The following SPAG1 variants were observed in gnomAD, a reference collection of about 807,000 sequenced individuals.
The protein encoded by SPAG1 is sperm associated antigen 1, also known as sperm-associated antigen 1.
A neutral mutation model predicts 100.5 loss-of-function variants in SPAG1; 69 were observed. That is an observed-to-expected ratio of 0.69 (90% CI 0.57 to 0.84). The LOEUF (loss-of-function observed/expected upper bound fraction) is 0.84. Among genes scored for constraint, SPAG1 ranks in the 40% least tolerant of loss-of-function variants. SPAG1 has a pLI of 0.00. For missense variants in SPAG1, 955 were observed against 1,133.1 expected (o/e 0.84, Z 2.26); for synonymous variants, 336 against 411.6 (o/e 0.82, Z 2.22).
At chr8:100,190,748 T>G (rs1816781423) in intron 8 of SPAG1, among the ~76,000 whole-genome samples, 1 of 136,650 alleles carries the variant, frequency 7.3e-6, no homozygotes, top group Non-Finnish European at 1.5e-5. Flanking sequence ...CACTGGAACC[T>G]CCACCTCCCA....
chr8:100,216,416 A>G (rs748173061), intron 12 of SPAG1, among the ~76,000 whole-genome samples: 1 of 152,192 alleles, frequency 6.6e-6, no homozygotes, highest in Non-Finnish European at 1.5e-5. Context: ...GGTGATTAAC[A>G]TTTACTGGCT....
chr8:100,221,022 G>A (rs1818251602), intron 13 of SPAG1, among the ~76,000 whole-genome samples: 1 of 151,676 alleles, frequency 6.6e-6, no homozygotes, highest in Non-Finnish European at 1.5e-5. Flanking sequence ...GCGGTGAGCT[G>A]AGATCATACC....
At position 100,225,247 on chromosome 8, in the gene SPAG1, C is replaced by T. The variant is rs758138270; in HGVS notation, c.1763C>T (p.Ala588Val). Reference sequence around the variant, plus strand: ...CTGTCACCTATTCCTGCTGTGCCTGCTTCTGTGCCACTGCAAGCTTGGCAT... The same window carrying T: ...CTGTCACCTATTCCTGCTGTGCCTGTTTCTGTGCCACTGCAAGCTTGGCAT... ...EKLSPIPAVPASVPLQAWHPA... is the reference protein window; with the variant it reads ...EKLSPIPAVPVSVPLQAWHPA... The change falls in exon 14 of 19, where the codon GCT (alanine) becomes GTT (valine). Residue 588 changes from alanine (A) to valine (V), a missense_variant. Transcript: ENST00000388798. 1 of 1,613,938 alleles carries T rather than the reference C, an allele frequency of 6.2e-7. No homozygotes were observed. The highest frequency in any genetic ancestry group is 1.1e-5 in the South Asian group (1 of 91,076).
At chr8:100,172,634 ATG>A (rs60155004) in intron 3 of SPAG1, among the ~76,000 whole-genome samples, 6,682 of 145,354 alleles carry the variant, frequency 0.046, 280 homozygotes, top group African/African-American at 0.11. Context: ...AAAGAAATAT[ATG>A]TGTGTGTGTG....
chr8:100,204,129 G>C (rs1043245573), intron 10 of SPAG1, among the ~76,000 whole-genome samples: 3 of 152,140 alleles, frequency 2.0e-5, no homozygotes, highest in Non-Finnish European at 2.9e-5. Context: ...TGTCTGAGGA[G>C]ATAAATCCTG....
chr8:100,220,310 CCT>C lies in SPAG1; in HGVS notation c.1570_1571del (p.Leu524SerfsTer8). 1.2e-6 allele frequency: 2 copies of C among 1,613,268 alleles called. No individual in the cohort carries two copies. The highest frequency in any genetic ancestry group is 8.5e-7 in the Non-Finnish European group (1 of 1,179,800). On this transcript the variant is annotated frameshift_variant, in exon 13 of 19. Coordinates refer to ENST00000388798, the MANE Select transcript of SPAG1 (RefSeq NM_003114.5). LOFTEE classifies it high-confidence loss of function. ...GGAACTTCATCCATTCTCTATGAAACCTCTTCTGAGGCGGGCGATGGCCTATG... is the reference window on the plus strand; with the variant it reads ...GGAACTTCATCCATTCTCTATGAAACCTTCTGAGGCGGGCGATGGCCTATG... ...ALELHPFSMK[P>X]LLRRAMAYET...
chr8:100,183,023 G>C (rs1276883802), intron 4 of SPAG1, among the ~76,000 whole-genome samples: 2 of 151,480 alleles, frequency 1.3e-5, no homozygotes, highest in African/African-American at 4.9e-5. Context: ...ACCCAGGCTG[G>C]AGTGTAGTTG....
At chr8:100,196,399 C>G (rs1045286323) in intron 10 of SPAG1, among the ~76,000 whole-genome samples, 3 of 152,106 alleles carry the variant, frequency 2.0e-5, no homozygotes, top group Non-Finnish European at 4.4e-5. Flanking sequence ...TGATTTTTTT[C>G]CCCTTTTTAC....
chr8:100,190,301 A>T (rs1429629374), intron 8 of SPAG1, among the ~76,000 whole-genome samples: 1 of 150,466 alleles, frequency 6.6e-6, no homozygotes, highest in African/African-American at 2.5e-5. Flanking sequence ...CAACAGAGCA[A>T]GACTCTGTCT....
Position 100,203,508 on chromosome 8 carries a change from C to CT in SPAG1, c.1096+9242dup, listed in dbSNP as rs551249086. Among the ~76,000 whole-genome samples, 636 of 152,262 alleles carry CT rather than the reference C, an allele frequency of 4.2e-3. 6 individuals carry two copies. The highest frequency in any genetic ancestry group is 0.014 in the African/African-American group (592 of 41,546). ...AGACCCAAAAATGCTAAGGACTCTA[C>CT]TTCTAATAGTATGGAGAATACTGAT... On this transcript the variant is annotated intron_variant, in intron 10 of 18. Transcript: ENST00000388798.
chr8:100,159,201 C>G (rs1031457778), intron 1 of SPAG1, among the ~76,000 whole-genome samples: 2 of 152,188 alleles, frequency 1.3e-5, no homozygotes, highest in East Asian at 3.9e-4. Context: ...TGGAAAAATC[C>G]TTCTAAGGCA....
intron 13 of SPAG1, among the ~76,000 whole-genome samples, chr8:100,223,784 T>C (rs1339598201): frequency 1.3e-5 from 2 of 152,076 alleles, no homozygotes; most frequent in African/African-American, 4.8e-5. Context: ...AAATTCTTTT[T>C]TCTGAAACTT....
chr8:100,172,648 G>GTGTGTGTGTA (rs1441215091), intron 3 of SPAG1, among the ~76,000 whole-genome samples: 1 of 151,342 alleles, frequency 6.6e-6, no homozygotes, highest in Non-Finnish European at 1.5e-5. Context: ...GTGTGTGTGT[G>GTGTGTGTGTA]TGTGTGTGTG....
At chr8:100,176,835 T>TCTCCTCTCCTCTC (rs1563775378) in intron 3 of SPAG1, among the ~76,000 whole-genome samples, 1 of 144,816 alleles carries the variant, frequency 6.9e-6, no homozygotes, top group African/African-American at 2.6e-5. Flanking sequence ...TCTCCTCTCC[T>TCTCCTCTCCTCTC]CTCCTCTTCT....
chr8:100,220,366 T>G lies in SPAG1; in HGVS notation c.1623T>G (p.Tyr541Ter). The G allele has an allele frequency of 6.2e-7, 1 of 1,614,090 alleles. No homozygotes were observed. The highest frequency in any genetic ancestry group is 8.5e-7 in the Non-Finnish European group (1 of 1,179,952). The change falls in exon 13 of 19, where the codon TAT (tyrosine) becomes TAG (stop). Residue 541 changes from tyrosine (Y) to a stop codon, truncating the protein, a stop_gained. Coordinates refer to ENST00000388798, the MANE Select transcript of SPAG1 (RefSeq NM_003114.5). LOFTEE classifies it high-confidence loss of function. ...YETLEQYGKAYVDYKTVLQID... is the reference protein window; with the variant it reads ...YETLEQYGKA Reference sequence around the variant, plus strand: ...CTCTAGAGCAGTATGGGAAAGCTTATGTGGATTATAAAACAGTGTTGCAGA... The same window carrying G: ...CTCTAGAGCAGTATGGGAAAGCTTAGGTGGATTATAAAACAGTGTTGCAGA...
At chr8:100,183,462 AATGTAT>A (rs1666114107) in intron 5 of SPAG1, 26 bp downstream of exon 5, 3 of 1,199,184 alleles carry the variant, frequency 2.5e-6, no homozygotes, top group Non-Finnish European at 3.6e-6. Context: ...CTTTATATAA[AATGTAT>A]CACTAAAAAA....
rs1340187889 is a variant in SPAG1, at chr8:100,220,412, G to A, written c.1669G>A (p.Ala557Thr). The change falls in exon 13 of 19, where the codon GCA becomes ACA. Residue 557 changes from alanine to threonine, a missense_variant. Coordinates refer to ENST00000388798, the MANE Select transcript of SPAG1 (RefSeq NM_003114.5). ...VLQIDCGLQL[A>T]NDSVNRLSRI... ...GCAGATAGACTGTGGACTCCAGCTA[G>A]CAAATGACAGTGTTAACAGGTAATT... is the stretch of plus-strand genomic sequence containing the variant. The A allele has an allele frequency of 6.2e-7, 1 of 1,612,944 alleles. No individual in the cohort carries two copies. Among genetic ancestry groups the A allele is most frequent in the Admixed American group, 1.7e-5 (1 of 59,754 alleles).
At chr8:100,171,878 G>A (rs887464719) in intron 3 of SPAG1, among the ~76,000 whole-genome samples, 2 of 152,158 alleles carry the variant, frequency 1.3e-5, no homozygotes, top group South Asian at 4.2e-4. Context: ...CAGGCCAGAA[G>A]AAATCCCTTT....
intron 12 of SPAG1, among the ~76,000 whole-genome samples, chr8:100,217,590 C>T (rs1005833166): frequency 2.6e-5 from 4 of 152,182 alleles, no homozygotes; most frequent in East Asian, 1.9e-4. Context: ...AGTTTGAAAG[C>T]CATCATTTTA....
Sources: allele counts gnomAD v4.1 joint callset (sites outside exome capture counted in the v4.1 genomes callset), GRCh38; gene constraint gnomAD v4.1.1; transcripts MANE v1.5; gene names NCBI Gene and HGNC (gene_info 2026-07-23, HGNC 2026-07-21).